FOXN3: variants seen among roughly 807,000 people sequenced by gnomAD.
FOXN3 encodes the protein forkhead box protein N3.
FOXN3 carries 7 observed loss-of-function variants against 38.4 expected under a neutral mutation model. The observed-to-expected ratio is 0.18, with a 90% confidence interval of 0.10 to 0.34. FOXN3 has a LOEUF of 0.34. FOXN3 is among the 10% of genes least tolerant of loss of function. The pLI, the probability that FOXN3 is intolerant of heterozygous loss-of-function variation, is 1.00. For synonymous variants in FOXN3, 230 were observed against 242.2 expected (o/e 0.95, Z 0.47); for missense variants, 456 against 613.4 (o/e 0.74, Z 2.71).
At chr14:89,499,466 AT>A (rs538696827) in intron 1 of FOXN3, among the ~76,000 whole-genome samples, 5,406 of 138,564 alleles carry the variant, frequency 0.039, 94 homozygotes, top group Non-Finnish European at 0.046. Context: ...TTTGATTTTG[AT>A]TTTTTTTTTT....
intron 1 of FOXN3, among the ~76,000 whole-genome samples, chr14:89,563,606 G>A (rs772499972): frequency 3.9e-5 from 6 of 152,166 alleles, no homozygotes; most frequent in East Asian, 3.9e-4. Flanking sequence ...AGCCTTGGGG[G>A]AGTAGGGGTG....
chr14:89,537,441 T>C (rs1192880423), intron 1 of FOXN3, among the ~76,000 whole-genome samples: 1 of 149,584 alleles, frequency 6.7e-6, no homozygotes, highest in Non-Finnish European at 1.5e-5. Context: ...CCATGAAATG[T>C]TGGATGGATG....
intron 2 of FOXN3, among the ~76,000 whole-genome samples, chr14:89,380,134 C>T (rs149032340): frequency 3.3e-5 from 5 of 152,106 alleles, no homozygotes; most frequent in East Asian, 1.9e-4. Flanking sequence ...GGGAGGGACC[C>T]GGGGGGAAGT....
At chr14:89,318,649 T>C (rs1887804980) in intron 3 of FOXN3, among the ~76,000 whole-genome samples, 1 of 152,208 alleles carries the variant, frequency 6.6e-6, no homozygotes, top group African/African-American at 2.4e-5. Flanking sequence ...AAATGTTCAC[T>C]CATTTAATCC....
chr14:89,501,852 A>AAAACAAAC (rs141179233), intron 1 of FOXN3, among the ~76,000 whole-genome samples: 211 of 151,714 alleles, frequency 1.4e-3, no homozygotes, highest in African/African-American at 4.6e-3. Flanking sequence ...CCATCTCAAA[A>AAAACAAAC]AAACAAACAA....
intron 1 of FOXN3, among the ~76,000 whole-genome samples, chr14:89,551,708 A>G (rs956723200): frequency 6.6e-6 from 1 of 152,206 alleles, no homozygotes; most frequent in Non-Finnish European, 1.5e-5. Context: ...CAGCCAGCAC[A>G]GTGTCCAGTA....
intron 1 of FOXN3, among the ~76,000 whole-genome samples, chr14:89,506,175 G>C: frequency 2.3e-5 from 2 of 88,450 alleles, no homozygotes; most frequent in African/African-American, 3.3e-5. Context: ...TGCCCGGCCA[G>C]CTGCCCCGTC....
chr14:89,303,351 A>G (rs924619527), intron 3 of FOXN3, among the ~76,000 whole-genome samples: 1 of 152,050 alleles, frequency 6.6e-6, no homozygotes, highest in African/African-American at 2.4e-5. Flanking sequence ...TATCTGTCTT[A>G]TGCTGTCTCC....
intron 4 of FOXN3, among the ~76,000 whole-genome samples, chr14:89,227,573 A>C (rs1884680535): frequency 6.6e-6 from 1 of 152,022 alleles, no homozygotes; most frequent in South Asian, 2.1e-4. Context: ...GGTTCTTCTG[A>C]ATTTTTGTGG....
chr14:89,376,639 G>C (rs1289719945), intron 2 of FOXN3, among the ~76,000 whole-genome samples: 2 of 152,160 alleles, frequency 1.3e-5, no homozygotes, highest in African/African-American at 4.8e-5. Flanking sequence ...CCGCTGATCA[G>C]ACTTAGCGTC....
rs148046896 is a variant in FOXN3, at chr14:89,170,302, G to C, written c.852-7333C>G. 1.0e-3 allele frequency among the ~76,000 whole-genome samples: 157 copies of C among 152,286 alleles called. 1 individual carries two copies. Among genetic ancestry groups the C allele is most frequent in the African/African-American group, 3.6e-3 (150 of 41,548 alleles). On this transcript the variant is annotated intron_variant, in intron 5 of 5. Transcript: ENST00000557258. ...AATGCATCCCTTTCAGTATGCAATT[G>C]ATCAAGCTGACACGCACACACACAC...
rs566312671 is a variant in FOXN3 at position 89,191,948 on chromosome 14, G to GTATATATATATATATA, written c.746-11143_746-11142insTATATATATATATATA. 3.6e-4 allele frequency among the ~76,000 whole-genome samples: 43 copies of GTATATATATATATATA among 117,938 alleles called. 1 individual carries two copies. The highest frequency in any genetic ancestry group is 2.0e-3 in the African/African-American group (43 of 21,470). The allele number at this position is 117,938 out of a possible 152,430, so 77.4% of individuals were successfully genotyped here. A position where few individuals can be genotyped will look rare whatever the true frequency, so the allele number is the denominator to read the frequency against. Reference sequence around the variant, plus strand: ...CAGTCACCATTTCCCACTGATATTAGTATATATATATATACACATATATAT... The same window carrying GTATATATATATATATA: ...CAGTCACCATTTCCCACTGATATTAGTATATATATATATATATATATATATATATACACATATATAT... On this transcript the variant is annotated intron_variant, in intron 4 of 5. Transcript: ENST00000557258.
At chr14:89,277,876 A>G (rs1049100945) in intron 4 of FOXN3, among the ~76,000 whole-genome samples, 15 of 152,124 alleles carry the variant, frequency 9.9e-5, no homozygotes, top group African/African-American at 3.4e-4. Flanking sequence ...CGCTGTTGCT[A>G]TGGTCTCTGT....
intron 1 of FOXN3, among the ~76,000 whole-genome samples, chr14:89,507,098 C>G (rs369238483): frequency 7.0e-6 from 1 of 142,014 alleles, no homozygotes; most frequent in African/African-American, 2.6e-5. Context: ...TCCCCCTCTG[C>G]GAGAAACACC....
intron 4 of FOXN3, among the ~76,000 whole-genome samples, chr14:89,195,998 T>TA (rs911886135): frequency 3.3e-5 from 5 of 151,538 alleles, no homozygotes; most frequent in East Asian, 3.9e-4. Flanking sequence ...AATCCCATAT[T>TA]AAAAAAAAAT....
chr14:89,288,066 A>T (rs7156232), intron 3 of FOXN3, among the ~76,000 whole-genome samples: 2 of 62,086 alleles, frequency 3.2e-5, no homozygotes, highest in African/African-American at 7.2e-5. Flanking sequence ...GTCTCAAAAA[A>T]AAATATATAT....
rs901532362 is a variant in FOXN3 at position 89,493,546 on chromosome 14, C to A, written c.-14-81056G>T. Among the ~76,000 whole-genome samples the A allele has an allele frequency of 2.6e-5, 4 of 152,150 alleles. No homozygotes were observed. In the East Asian group the frequency reaches 7.7e-4, roughly 29 times the overall value. Reference sequence around the variant, plus strand: ...AGCATGAGATCAACACAGATACCAGCAAATGGTACTAAAAAGTAGCAGCAA... The same window carrying A: ...AGCATGAGATCAACACAGATACCAGAAAATGGTACTAAAAAGTAGCAGCAA... On this transcript the variant is annotated intron_variant, in intron 1 of 6. Coordinates refer to the FOXN3 transcript ENST00000345097.
At chr14:89,349,201 A>G (rs1888872770) in intron 3 of FOXN3, among the ~76,000 whole-genome samples, 1 of 152,070 alleles carries the variant, frequency 6.6e-6, no homozygotes, top group South Asian at 2.1e-4. Flanking sequence ...GTTCTCTTCC[A>G]TTTGGGGAGT....
intron 1 of FOXN3, among the ~76,000 whole-genome samples, chr14:89,472,485 C>G (rs540822040): frequency 4.6e-5 from 7 of 152,124 alleles, no homozygotes; most frequent in African/African-American, 1.7e-4. Flanking sequence ...CTTTGGGAGG[C>G]CAAGGCGGGC....
Sources: gnomAD v4.1 joint callset for allele counts (sites outside exome capture counted in the v4.1 genomes callset) on GRCh38, gnomAD v4.1.1 for gene constraint, MANE v1.5 for transcripts, NCBI Gene and HGNC (gene_info 2026-07-23, HGNC 2026-07-21) for gene names.